The following HDGFL3 variants were observed in gnomAD, a reference collection of about 807,000 sequenced individuals.
The protein encoded by HDGFL3 is HDGF like 3, also known as hepatoma-derived growth factor-related protein 3.
A neutral mutation model predicts 27.6 loss-of-function variants in HDGFL3; 6 were observed. The observed-to-expected ratio is 0.22, with a 90% CI of 0.12 to 0.43. HDGFL3 has a LOEUF of 0.43. Among genes scored for constraint, HDGFL3 ranks in the 20% least tolerant of loss-of-function variants. The pLI is 1.00. For synonymous variants in HDGFL3, 88 were observed against 88.9 expected (o/e 0.99, Z 0.05); for missense variants, 207 against 250.1 (o/e 0.83, Z 1.16).
At chr15:83,173,978 T>A (rs1398760426) in intron 1 of HDGFL3, among the ~76,000 whole-genome samples, 2 of 152,208 alleles carry the variant, frequency 1.3e-5, no homozygotes, top group Non-Finnish European at 2.9e-5. Context: ...GAATGAACCA[T>A]CTGTCACAGA....
intron 1 of HDGFL3, among the ~76,000 whole-genome samples, chr15:83,180,229 G>A (rs1277248620): frequency 6.6e-6 from 1 of 152,102 alleles, no homozygotes; most frequent in Non-Finnish European, 1.5e-5. Context: ...ATAGAAAGGA[G>A]AGTTGTGGAA....
chr15:83,166,051 T>A (rs527897930), intron 1 of HDGFL3, among the ~76,000 whole-genome samples: 1 of 151,218 alleles, frequency 6.6e-6, no homozygotes, highest in Non-Finnish European at 1.5e-5. Context: ...TTCAAGAAAA[T>A]TTCCCAAATC....
At chr15:83,194,795 G>C (rs2037550263) in intron 1 of HDGFL3, among the ~76,000 whole-genome samples, 1 of 152,134 alleles carries the variant, frequency 6.6e-6, no homozygotes, top group Non-Finnish European at 1.5e-5. Context: ...CTCTGTAACT[G>C]AGCAAGTCAG....
At chr15:83,125,422 T>A (rs75565447), downstream of HDGFL3, among the ~76,000 whole-genome samples, 3,629 of 152,284 alleles carry the variant, frequency 0.024, 134 homozygotes, top group African/African-American at 0.082. Context: ...ACTAGCTGTG[T>A]GGCCTTGGAA....
chr15:83,158,248 C>A (rs1312880474), intron 2 of HDGFL3, among the ~76,000 whole-genome samples: 1 of 152,150 alleles, frequency 6.6e-6, no homozygotes, highest in African/African-American at 2.4e-5. Context: ...TACAAGCCAG[C>A]CACCTGGATT....
chr15:83,121,921 G>A (rs1452306728), intron 3 of HDGFL3: 23 of 1,596,512 alleles, frequency 1.4e-5, no homozygotes, highest in Non-Finnish European at 2.0e-5. Flanking sequence ...GTTGTTACAG[G>A]GAAACTTATA....
intron 5 of HDGFL3, among the ~76,000 whole-genome samples, chr15:83,148,327 A>AT (rs2036924451): frequency 6.6e-6 from 1 of 152,182 alleles, no homozygotes; most frequent in South Asian, 2.1e-4. Context: ...GTTCATAATA[A>AT]TTGCAAAAAG....
chr15:83,124,894 C>A, downstream of HDGFL3: 9 of 862,054 alleles, frequency 1.0e-5, no homozygotes, highest in Non-Finnish European at 1.6e-5. Flanking sequence ...ACTAACAAAC[C>A]ATTCCTCCCA....
chr15:83,177,346 A>T (rs544674158), intron 1 of HDGFL3, among the ~76,000 whole-genome samples: 1 of 152,232 alleles, frequency 6.6e-6, no homozygotes, highest in African/African-American at 2.4e-5. Flanking sequence ...TGTGTAATAT[A>T]AGCAAATGTT....
chr15:83,167,812 C>T (rs1396224601), intron 1 of HDGFL3, among the ~76,000 whole-genome samples: 2 of 152,140 alleles, frequency 1.3e-5, no homozygotes, highest in Non-Finnish European at 2.9e-5. Context: ...TGGATTTAAA[C>T]TCAACACTTG....
intron 1 of HDGFL3, among the ~76,000 whole-genome samples, chr15:83,165,558 T>C (rs1170042596): frequency 1.3e-5 from 2 of 152,258 alleles, no homozygotes; most frequent in South Asian, 2.1e-4. Context: ...ATTTCCCCCA[T>C]TGTTCCTGTC....
chr15:83,207,308 C>G lies in HDGFL3; in HGVS notation c.84+23G>C. The G allele has an allele frequency of 2.2e-6, 3 of 1,335,978 alleles. No homozygotes were observed. The South Asian group carries it at 6.1e-5, about 27-fold the overall frequency. The allele number at this position is 1,335,978 out of a possible 1,614,324, so 82.8% of individuals were successfully genotyped here. Reference sequence around the variant, plus strand: ...AGGGGAAAATGGTGGGCGGGCGGGCCCGCGCGCGGCCGCGGTACTCACCCG... The same window carrying G: ...AGGGGAAAATGGTGGGCGGGCGGGCGCGCGCGCGGCCGCGGTACTCACCCG... On this transcript the variant is annotated intron_variant, in intron 1 of 5. Coordinates refer to ENST00000299633, the MANE Select transcript of HDGFL3 (RefSeq NM_016073.4). The surrounding 1 kb of genome is among the most constrained non-coding windows in gnomAD (Gnocchi z 4.8).
At chr15:83,143,312 C>T (rs2036818966) in intron 5 of HDGFL3, among the ~76,000 whole-genome samples, 1 of 152,168 alleles carries the variant, frequency 6.6e-6, no homozygotes, top group Non-Finnish European at 1.5e-5. Flanking sequence ...GGGCCAGGTG[C>T]AGTGACTCAC....
At chr15:83,166,938 G>A (rs1343791965) in intron 1 of HDGFL3, among the ~76,000 whole-genome samples, 1 of 152,178 alleles carries the variant, frequency 6.6e-6, no homozygotes, top group African/African-American at 2.4e-5. Flanking sequence ...TTTGACATGA[G>A]ACAAATCAAC....
At chr15:83,126,867 T>C (rs919804068), downstream of HDGFL3, 17 of 1,576,248 alleles carry the variant, frequency 1.1e-5, no homozygotes, top group East Asian at 2.0e-4. Context: ...TTATGAAGCC[T>C]AAGATTTTTC....
At chr15:83,167,996 C>A (rs2037194291) in intron 1 of HDGFL3, among the ~76,000 whole-genome samples, 1 of 152,100 alleles carries the variant, frequency 6.6e-6, no homozygotes, top group Non-Finnish European at 1.5e-5. Context: ...GAAATCAATA[C>A]CAAGAAGATC....
intron 5 of HDGFL3, among the ~76,000 whole-genome samples, chr15:83,142,225 G>A (rs779508999): frequency 3.9e-5 from 6 of 152,134 alleles, no homozygotes; most frequent in Non-Finnish European, 7.3e-5. Context: ...GCATGAGAAT[G>A]TTCACTGCAG....
rs1389027128 is a variant in HDGFL3 at position 83,144,631 on chromosome 15, G to A, written c.607-5356C>T. ...AACTGAGGCCTCCAGTCCAACAACC[G>A]TGAGGAGCTGAATCCTGCCAGGAAC... On this transcript the variant is annotated intron_variant, in intron 5 of 5. Coordinates refer to ENST00000299633, the MANE Select transcript of HDGFL3 (RefSeq NM_016073.4). 20 of 422,576 alleles carry A rather than the reference G, an allele frequency of 4.7e-5. No homozygotes were observed. In the Admixed American group the frequency reaches 5.2e-4, roughly 11 times the overall value. 26.2% of individuals were successfully genotyped at this position (422,576 alleles called of 1,614,324 possible).
intron 4 of HDGFL3, among the ~76,000 whole-genome samples, chr15:83,156,089 C>T (rs986087721): frequency 6.6e-6 from 1 of 152,106 alleles, no homozygotes; most frequent in African/African-American, 2.4e-5. Context: ...CATAATTAGG[C>T]CTTTGCCAGC....
Sources: allele counts gnomAD v4.1 joint callset (sites outside exome capture counted in the v4.1 genomes callset), GRCh38; gene constraint gnomAD v4.1.1; non-coding constraint Gnocchi (gnomAD v3.1); transcripts MANE v1.5; gene names NCBI Gene and HGNC (gene_info 2026-07-23, HGNC 2026-07-21).